The following LAMA2 variants were observed in gnomAD, a reference collection of about 807,000 sequenced individuals.
LAMA2 encodes the protein laminin subunit alpha 2, also known as laminin subunit alpha-2.
LAMA2 carries 269 observed loss-of-function variants against 364.8 expected under a neutral mutation model. That is an observed-to-expected ratio of 0.74 (90% CI 0.67 to 0.82). The LOEUF (loss-of-function observed/expected upper bound fraction) is 0.82, where lower values mean the gene tolerates loss of function less well. LAMA2 is among the 40% of genes least tolerant of loss of function. The pLI is 0.00. For synonymous variants in LAMA2, 1,379 were observed against 1,370.6 expected, an observed-to-expected ratio of 1.01 and a Z score of -0.14; for missense variants, 3,807 against 3,873.2, an observed-to-expected ratio of 0.98 and a Z score of 0.45.
chr6:129,483,067 G>GAAAAAAAAA, intron 55 of LAMA2, among the ~76,000 whole-genome samples: 1 of 102,832 alleles, frequency 9.7e-6, no homozygotes, highest in Non-Finnish European at 2.2e-5. Context: ...ACTCCGACTC[G>GAAAAAAAAA]AAAAAAAAAA....
At chr6:129,345,485 T>C (rs1776496726) in intron 30 of LAMA2, among the ~76,000 whole-genome samples, 3 of 152,220 alleles carry the variant, frequency 2.0e-5, no homozygotes, top group Non-Finnish European at 4.4e-5. Flanking sequence ...GCAGGATCAA[T>C]AACAGGGTGT....
chr6:129,324,043 C>G (rs955257413), intron 28 of LAMA2, among the ~76,000 whole-genome samples: 3 of 152,310 alleles, frequency 2.0e-5, no homozygotes, highest in Non-Finnish European at 4.4e-5. Context: ...TACATATGCA[C>G]ACATCTATCC....
intron 44 of LAMA2, among the ~76,000 whole-genome samples, chr6:129,444,577 T>C (rs1782275937): frequency 6.6e-6 from 1 of 152,212 alleles, no homozygotes; most frequent in Non-Finnish European, 1.5e-5. Context: ...AGACCTATGT[T>C]CTTTTTAAAT....
At chr6:129,459,418 C>A (rs1451656485) in intron 48 of LAMA2, among the ~76,000 whole-genome samples, 4 of 152,036 alleles carry the variant, frequency 2.6e-5, no homozygotes, top group Non-Finnish European at 5.9e-5. Flanking sequence ...GATTGTGTAT[C>A]AAGCCTAAGA....
Position 129,460,334 on chromosome 6 carries a change from G to T in LAMA2, c.6992+10G>T. On this transcript the variant is annotated intron_variant, in intron 49 of 64. Transcript: ENST00000421865. ...AAGGATGCACTGTCAGGTTAGTTGA[G>T]ATGAGAACTCTCCCAGGGTCTGTCC... is the stretch of plus-strand genomic sequence containing the variant. 1 of 1,611,614 alleles carries T rather than the reference G, an allele frequency of 6.2e-7. No individual in the cohort carries two copies. The highest frequency in any genetic ancestry group is 8.5e-7 in the Non-Finnish European group (1 of 1,178,194).
At chr6:129,252,804 A>G (rs1190612182) in intron 14 of LAMA2, among the ~76,000 whole-genome samples, 2 of 152,212 alleles carry the variant, frequency 1.3e-5, no homozygotes, top group African/African-American at 2.4e-5. Context: ...GCCATATGGT[A>G]TAAAGGAAAG....
intron 21 of LAMA2, among the ~76,000 whole-genome samples, chr6:129,298,218 G>A (rs955175153): frequency 6.1e-5 from 3 of 49,534 alleles, no homozygotes; most frequent in African/African-American, 2.4e-4. Context: ...CAAACCCCAC[G>A]CCAATGCATT....
chr6:129,041,391 G>A (rs114440512), intron 1 of LAMA2, among the ~76,000 whole-genome samples: 2,338 of 152,300 alleles, frequency 0.015, 74 homozygotes, highest in African/African-American at 0.053. Flanking sequence ...AGGCCTGTGG[G>A]TTTCTTGGAA....
chr6:129,501,947 T>A (rs940753114), intron 58 of LAMA2, among the ~76,000 whole-genome samples: 1 of 152,038 alleles, frequency 6.6e-6, no homozygotes, highest in East Asian at 1.9e-4. Flanking sequence ...CACTGAAAAA[T>A]TATTAAGAAT....
At position 128,923,883 on chromosome 6, in the gene LAMA2, T is replaced by G. The variant is rs1007782509; in HGVS notation, c.112+40526T>G. Among the ~76,000 whole-genome samples the G allele has an allele frequency of 4.6e-5, 7 of 152,268 alleles. No individual in the cohort carries two copies. In the East Asian group the frequency reaches 1.4e-3, roughly 29 times the overall value. ...TGTTTCCAACTCAGGAAATGCCTTT[T>G]ATGGTTGCTATGGCAGAGGAAGAGA... On this transcript the variant is annotated intron_variant, in intron 1 of 64. Coordinates refer to ENST00000421865, the MANE Select transcript of LAMA2 (RefSeq NM_000426.4).
At chr6:128,957,567 G>C (rs563852544) in intron 1 of LAMA2, among the ~76,000 whole-genome samples, 3 of 152,160 alleles carry the variant, frequency 2.0e-5, no homozygotes, top group Admixed American at 6.6e-5. Flanking sequence ...TCTTGAAGTC[G>C]TGCTTATTAC....
chr6:128,941,506 A>T (rs947648531), intron 1 of LAMA2, among the ~76,000 whole-genome samples: 1 of 152,184 alleles, frequency 6.6e-6, no homozygotes, highest in Non-Finnish European at 1.5e-5. Context: ...GTATTCTATG[A>T]ACCCTCACTT....
At chr6:128,949,968 C>T (rs562161594) in intron 1 of LAMA2, among the ~76,000 whole-genome samples, 1 of 152,154 alleles carries the variant, frequency 6.6e-6, no homozygotes, top group East Asian at 1.9e-4. Context: ...TAAATATGAT[C>T]CTTTATATTT....
chr6:129,034,395 T>C (rs938895176), intron 1 of LAMA2, among the ~76,000 whole-genome samples: 6 of 152,154 alleles, frequency 3.9e-5, no homozygotes, highest in Admixed American at 1.3e-4. Context: ...GTGCACTATT[T>C]TGTCCTTCCT....
At chr6:129,426,537 A>G (rs942905822) in intron 40 of LAMA2, among the ~76,000 whole-genome samples, 1 of 152,054 alleles carries the variant, frequency 6.6e-6, no homozygotes, top group Non-Finnish European at 1.5e-5. Context: ...AACTGTAGCA[A>G]TGAGAATTCC....
chr6:129,092,504 A>C (rs1009213655), intron 3 of LAMA2, among the ~76,000 whole-genome samples: 4 of 152,226 alleles, frequency 2.6e-5, no homozygotes, highest in African/African-American at 9.6e-5. Flanking sequence ...AGTACAGATG[A>C]GCTTTCCAAA....
At chr6:128,911,963 C>T (rs1777997312) in intron 1 of LAMA2, among the ~76,000 whole-genome samples, 1 of 152,190 alleles carries the variant, frequency 6.6e-6, no homozygotes, top group South Asian at 2.1e-4. Flanking sequence ...CATGTTTTTG[C>T]ATCCATCAAT....
chr6:129,068,905 A>G (rs908406927), intron 3 of LAMA2, among the ~76,000 whole-genome samples: 3 of 152,294 alleles, frequency 2.0e-5, no homozygotes, highest in Middle Eastern at 3.4e-3. Flanking sequence ...AAAGAAAGGG[A>G]AAAAAGGCCA....
At chr6:129,030,850 C>T (rs938088989) in intron 1 of LAMA2, among the ~76,000 whole-genome samples, 2 of 152,004 alleles carry the variant, frequency 1.3e-5, no homozygotes, top group African/African-American at 4.8e-5. Context: ...ATGTCAGTGA[C>T]TCTAATTGTC....
Sources: allele counts gnomAD v4.1 joint callset (sites outside exome capture counted in the v4.1 genomes callset), GRCh38; gene constraint gnomAD v4.1.1; transcripts MANE v1.5; gene names NCBI Gene and HGNC (gene_info 2026-07-23, HGNC 2026-07-21).